BANP: variants seen among roughly 807,000 people sequenced by gnomAD.
BANP encodes BTG3 associated nuclear protein, also known as protein BANP.
BANP carries 11 observed loss-of-function variants against 68.1 expected under a neutral mutation model. The observed-to-expected ratio is 0.16, with a 90% CI of 0.10 to 0.27. BANP has a LOEUF of 0.27. BANP is among the 10% of genes least tolerant of loss of function. The probability of loss-of-function intolerance (pLI) is 1.00; values close to 1 mark genes in which losing one functional copy is unlikely to be tolerated. For missense variants in BANP, 504 were observed against 722.7 expected (o/e 0.70, Z 3.47); for synonymous variants, 329 against 303.2 (o/e 1.09, Z -0.88).
At chr16:88,035,998 C>T (rs866113405) in intron 10 of BANP, among the ~76,000 whole-genome samples, 2 of 152,192 alleles carry the variant, frequency 1.3e-5, no homozygotes, top group South Asian at 4.1e-4. Context: ...AATGTGAAGG[C>T]GGCAGTGACA....
upstream of BANP, chr16:87,951,354 C>T (rs1438230586): frequency 1.3e-5 from 2 of 151,878 alleles, no homozygotes; most frequent in East Asian, 3.9e-4. Context: ...GGGTGCCCCG[C>T]CCCCGGGCCC....
In BANP at chr16:88,064,690, G is replaced by A. The variant is rs1247773222; in HGVS notation, c.1312-577G>A. On this transcript the variant is annotated intron_variant, in intron 11 of 13. Transcript: ENST00000682872. This position sits in a 1 kb window ranked among gnomAD's most constrained non-coding sequence, Gnocchi z 4.5. Reference sequence around the variant, plus strand: ...AACAACGCTTTTGCCAGACACAAGAGGCTCCTGTGGAGCTCTCATGGCTGG... The same window carrying A: ...AACAACGCTTTTGCCAGACACAAGAAGCTCCTGTGGAGCTCTCATGGCTGG... Among the ~76,000 whole-genome samples, 1 of 152,248 alleles carries A rather than the reference G, an allele frequency of 6.6e-6. No homozygotes were observed. Among genetic ancestry groups the A allele is most frequent in the Non-Finnish European group, 1.5e-5 (1 of 68,032 alleles).
intron 8 of BANP, among the ~76,000 whole-genome samples, chr16:88,028,359 G>A (rs1192681022): frequency 6.6e-6 from 1 of 152,238 alleles, no homozygotes; most frequent in Non-Finnish European, 1.5e-5. Context: ...TTGTTGGCGG[G>A]AACCCTTTGT....
At chr16:88,015,351 C>T (rs1393195046) in intron 6 of BANP, among the ~76,000 whole-genome samples, 1 of 152,178 alleles carries the variant, frequency 6.6e-6, no homozygotes, top group Non-Finnish European at 1.5e-5. Flanking sequence ...CTGCCAGTCC[C>T]CTCTGCCTGT....
chr16:88,076,874 C>A lies in BANP; in HGVS notation c.*213C>A. ...GGAGACCCCTTTCGTTTGAGTCCTG[C>A]TGTTGGTGTCGGAGCACGAGGGGAG... On this transcript the variant is annotated 3_prime_UTR_variant, in exon 14 of 14. Transcript: ENST00000682872. 1 of 554,518 alleles carries A rather than the reference C, an allele frequency of 1.8e-6. No homozygotes were observed. The highest frequency in any genetic ancestry group is 3.2e-6 in the Non-Finnish European group (1 of 314,710). 34.3% of individuals were successfully genotyped at this position (554,518 alleles called of 1,614,324 possible).
In BANP at chr16:87,957,463, G is replaced by A. The variant is rs934994214; in HGVS notation, c.-69+5948G>A. On this transcript the variant is annotated intron_variant, in intron 1 of 13. Transcript: ENST00000682872. The surrounding 1 kb of genome is among the most constrained non-coding windows in gnomAD (Gnocchi z 4.3). The stretch of plus-strand genomic sequence containing the variant: ...AGACCGGATCCTGTGTGGACCGGGT[G>A]GGCTGGTGTGGAGTCCTGTCAGGAG... Among the ~76,000 whole-genome samples, 37 of 152,148 alleles carry A rather than the reference G, an allele frequency of 2.4e-4. No homozygotes were observed. Among genetic ancestry groups the A allele is most frequent in the African/African-American group, 8.7e-4 (36 of 41,436 alleles).
intron 10 of BANP, among the ~76,000 whole-genome samples, chr16:88,035,656 G>A (rs551823322): frequency 6.6e-6 from 1 of 152,030 alleles, no homozygotes; most frequent in Admixed American, 6.5e-5. Flanking sequence ...TCTACTGCTG[G>A]CTGGAAGTGC....
intron 11 of BANP, among the ~76,000 whole-genome samples, chr16:88,038,384 G>T (rs186437196): frequency 2.4e-4 from 37 of 152,260 alleles, no homozygotes; most frequent in Admixed American, 2.6e-4. Flanking sequence ...GGCCTGGAAG[G>T]GGGGAGGGCA....
At chr16:88,073,575 G>T (rs1192577842) in intron 13 of BANP, among the ~76,000 whole-genome samples, 1 of 152,190 alleles carries the variant, frequency 6.6e-6, no homozygotes, top group Non-Finnish European at 1.5e-5. Context: ...GATGGTGAAG[G>T]CAAACTCGTT....
chr16:88,076,403 G>A (rs1434276777), intron 13 of BANP, among the ~76,000 whole-genome samples, 187 bp from the exon 14 acceptor site: 2 of 152,162 alleles, frequency 1.3e-5, no homozygotes, highest in Admixed American at 6.5e-5. Context: ...GGTCGTGGGC[G>A]CGTCGTTCCG....
chr16:88,006,083 C>T lies in BANP; in HGVS notation c.480-7C>T, dbSNP rs370624671. ...CATCGGGCTGGTGTGTTTTTTTTCC[C>T]GTTTAGCGCTGTGCCTGGGCGTCGG... On this transcript the variant is annotated splice_polypyrimidine_tract_variant and splice_region_variant and intron_variant, in intron 5 of 13. Transcript: ENST00000682872. The T allele has an allele frequency of 3.7e-5, 59 of 1,613,506 alleles. No individual in the cohort carries two copies. The highest frequency in any genetic ancestry group is 6.7e-5 in the East Asian group (3 of 44,874).
At chr16:87,954,698 G>C (rs2057699258) in intron 1 of BANP, among the ~76,000 whole-genome samples, 1 of 152,256 alleles carries the variant, frequency 6.6e-6, no homozygotes, top group African/African-American at 2.4e-5. Context: ...TGCGAGGCTT[G>C]GAGCCCCACG....
intron 13 of BANP, among the ~76,000 whole-genome samples, chr16:88,073,283 A>G (rs2090821338): frequency 1.3e-5 from 2 of 152,212 alleles, no homozygotes; most frequent in African/African-American, 4.8e-5. Flanking sequence ...TCACGTCTTC[A>G]CAGCGGGGCA....
chr16:87,979,467 C>T (rs776139923), intron 2 of BANP, among the ~76,000 whole-genome samples: 6 of 148,254 alleles, frequency 4.0e-5, no homozygotes, highest in African/African-American at 9.8e-5. Context: ...CCGAACTAGG[C>T]GGCATTTGAG....
At chr16:88,027,401 G>A (rs1023684150) in intron 7 of BANP, 82 bp from the exon 8 acceptor site, 33 of 1,524,742 alleles carry the variant, frequency 2.2e-5, no homozygotes, top group African/African-American at 8.3e-5. Context: ...CCTCTTCAGC[G>A]GGCCCCGGCC....
At chr16:88,040,961 A>G (rs1285404602) in intron 11 of BANP, among the ~76,000 whole-genome samples, 1 of 152,238 alleles carries the variant, frequency 6.6e-6, no homozygotes, top group Non-Finnish European at 1.5e-5. Context: ...TAGACTCAGA[A>G]TCTGACAGAG....
chr16:88,027,021 G>C (rs116252578), intron 7 of BANP, among the ~76,000 whole-genome samples: 6 of 152,232 alleles, frequency 3.9e-5, no homozygotes, highest in Non-Finnish European at 5.9e-5. Flanking sequence ...AAGGGAAGGC[G>C]GTGGCCGAGC....
At position 88,064,708 on chromosome 16, in the gene BANP, A is replaced by G. The variant is rs1045424164; in HGVS notation, c.1312-559A>G. ...CACAAGAGGCTCCTGTGGAGCTCTC[A>G]TGGCTGGCAGTGCCAGATGGGAGCC... is the stretch of plus-strand genomic sequence containing the variant. On this transcript the variant is annotated intron_variant, in intron 11 of 13. Transcript: ENST00000682872. This position sits in a 1 kb window ranked among gnomAD's most constrained non-coding sequence, Gnocchi z 4.5. Among the ~76,000 whole-genome samples the G allele has an allele frequency of 2.6e-5, 4 of 152,240 alleles. No individual in the cohort carries two copies. Among genetic ancestry groups the G allele is most frequent in the African/African-American group, 9.6e-5 (4 of 41,470 alleles).
intron 1 of BANP, among the ~76,000 whole-genome samples, chr16:87,958,487 C>T (rs1183143060): frequency 6.6e-6 from 1 of 152,202 alleles, no homozygotes; most frequent in Non-Finnish European, 1.5e-5. Context: ...TTATGCACAG[C>T]ATTTGACTGA....
Sources: gnomAD v4.1 joint callset for allele counts (sites outside exome capture counted in the v4.1 genomes callset) on GRCh38, gnomAD v4.1.1 for gene constraint, Gnocchi (gnomAD v3.1) non-coding constraint, MANE v1.5 for transcripts, NCBI Gene and HGNC (gene_info 2026-07-23, HGNC 2026-07-21) for gene names.